The following EXT2 variants were observed in gnomAD, a reference collection of about 807,000 sequenced individuals.
The protein encoded by EXT2 is exostosin-2.
A neutral mutation model predicts 81.6 loss-of-function variants in EXT2; 53 were observed. That is an observed-to-expected ratio of 0.65 (90% CI 0.52 to 0.82). The LOEUF (loss-of-function observed/expected upper bound fraction) is 0.82. EXT2 is among the 40% of genes least tolerant of loss of function. EXT2 has a pLI of 0.00. For missense variants in EXT2, 774 were observed against 910.2 expected, an observed-to-expected ratio of 0.85 and a Z score of 1.93; for synonymous variants, 320 against 340.0, an observed-to-expected ratio of 0.94 and a Z score of 0.65.
intron 8 of EXT2, among the ~76,000 whole-genome samples, chr11:44,191,571 G>C (rs1475945296): frequency 6.6e-6 from 1 of 152,222 alleles, no homozygotes; most frequent in Non-Finnish European, 1.5e-5. Flanking sequence ...CCAGTCTTGA[G>C]TAAATTATGG....
At chr11:44,224,406 G>A (rs890326071) in intron 10 of EXT2, among the ~76,000 whole-genome samples, 1 of 151,736 alleles carries the variant, frequency 6.6e-6, no homozygotes, top group South Asian at 2.1e-4. Flanking sequence ...AGATATATGT[G>A]TTTATATTTA....
intron 4 of EXT2, 59 bp from the exon 5 acceptor site, chr11:44,124,730 C>T (rs1954372096): frequency 6.7e-7 from 1 of 1,493,194 alleles, no homozygotes; most frequent in African/African-American, 1.4e-5. Flanking sequence ...CAAAGTTTGT[C>T]TTACCTTGAC....
chr11:44,158,620 A>T (rs1954888297), intron 7 of EXT2, among the ~76,000 whole-genome samples: 1 of 150,882 alleles, frequency 6.6e-6, no homozygotes. Context: ...GATTTTAATA[A>T]TATTTAAATT....
At chr11:44,184,812 G>A (rs1228768116) in intron 8 of EXT2, among the ~76,000 whole-genome samples, 1 of 152,164 alleles carries the variant, frequency 6.6e-6, no homozygotes, top group African/African-American at 2.4e-5. Flanking sequence ...TTATTAGACA[G>A]CAATGTCACT....
intron 8 of EXT2, among the ~76,000 whole-genome samples, chr11:44,196,633 A>C (rs948968195): frequency 6.6e-6 from 1 of 152,232 alleles, no homozygotes; most frequent in Non-Finnish European, 1.5e-5. Flanking sequence ...CCCTCAAAAA[A>C]TAATTTAAAC....
At chr11:44,147,724 CTAAT>C (rs1371477320) in intron 7 of EXT2, among the ~76,000 whole-genome samples, 1 of 29,244 alleles carries the variant, frequency 3.4e-5, no homozygotes, top group East Asian at 2.5e-3. Context: ...CCACCCCCAG[CTAAT>C]TTTTTTTTTT....
At chr11:44,172,000 G>A (rs770872436) in intron 8 of EXT2, 19 of 511,416 alleles carry the variant, frequency 3.7e-5, no homozygotes, top group Non-Finnish European at 5.3e-5. Flanking sequence ...AAGTAAGGAG[G>A]CATGGGTCTT....
chr11:44,145,799 C>T (rs1954708401), intron 7 of EXT2, among the ~76,000 whole-genome samples: 1 of 152,108 alleles, frequency 6.6e-6, no homozygotes, highest in African/African-American at 2.4e-5. Context: ...TACTCTTGAA[C>T]TATTATAATC....
At chr11:44,226,770 T>C (rs1013531293) in intron 10 of EXT2, among the ~76,000 whole-genome samples, 1 of 152,258 alleles carries the variant, frequency 6.6e-6, no homozygotes, top group African/African-American at 2.4e-5. Flanking sequence ...GCATATTGGA[T>C]TCCTTGTGCT....
chr11:44,119,214 TG>T (rs1237395100), intron 4 of EXT2, among the ~76,000 whole-genome samples: 1 of 142,830 alleles, frequency 7.0e-6, no homozygotes. Context: ...GTCATGACTG[TG>T]GGGATGTGTG....
chr11:44,186,872 C>T (rs1371198378), intron 8 of EXT2, among the ~76,000 whole-genome samples: 1 of 152,194 alleles, frequency 6.6e-6, no homozygotes, highest in Non-Finnish European at 1.5e-5. Context: ...TGATTATTTT[C>T]TGATCATATG....
intron 7 of EXT2, among the ~76,000 whole-genome samples, chr11:44,142,925 T>C (rs139017044): frequency 1.3e-5 from 2 of 152,348 alleles, no homozygotes; most frequent in East Asian, 3.9e-4. Context: ...ATATATCAGA[T>C]ATATAATCTT....
intron 10 of EXT2, among the ~76,000 whole-genome samples, chr11:44,212,383 A>C (rs1030738156): frequency 2.0e-5 from 3 of 151,906 alleles, no homozygotes; most frequent in Admixed American, 6.6e-5. Flanking sequence ...TGACACACAA[A>C]AAAAGTCCTC....
At chr11:44,097,406 A>G (rs1285610471) in intron 1 of EXT2, among the ~76,000 whole-genome samples, 2 of 152,094 alleles carry the variant, frequency 1.3e-5, no homozygotes, top group East Asian at 1.9e-4. Context: ...GCTTTTGCTT[A>G]TATTTGGTTC....
intron 3 of EXT2, among the ~76,000 whole-genome samples, chr11:44,111,678 A>G (rs1954144555): frequency 6.6e-6 from 1 of 152,162 alleles, no homozygotes; most frequent in South Asian, 2.1e-4. Flanking sequence ...AAGAAGCGAG[A>G]CTAGTACAGT....
intron 4 of EXT2, among the ~76,000 whole-genome samples, chr11:44,124,311 C>T (rs1702630689): frequency 6.6e-6 from 1 of 152,116 alleles, no homozygotes; most frequent in South Asian, 2.1e-4. Flanking sequence ...AGTTGCCTGC[C>T]AGTGCTTCCC....
At position 44,239,298 on chromosome 11, in the gene EXT2, C is replaced by T. The variant is rs576774036; in HGVS notation, c.2018+2923C>T. 1.1e-4 allele frequency among the ~76,000 whole-genome samples: 16 copies of T among 151,622 alleles called. No individual in the cohort carries two copies. The East Asian group carries it at 2.5e-3, about 24-fold the overall frequency. On this transcript the variant is annotated intron_variant, in intron 13 of 13. Transcript: ENST00000533608. ...ATTAGAGTGAACTGCTGGACCTCAG[C>T]AGTGTCGTTAATGGGGACAGGAGGT...
intron 7 of EXT2, among the ~76,000 whole-genome samples, chr11:44,146,056 G>T (rs1954712217): frequency 6.6e-6 from 1 of 152,228 alleles, no homozygotes; most frequent in Non-Finnish European, 1.5e-5. Context: ...CGAGTTGGCA[G>T]GGAGGGTTTC....
At chr11:44,231,075 CTTT>C (rs1272454331) in intron 10 of EXT2, among the ~76,000 whole-genome samples, 1 of 152,102 alleles carries the variant, frequency 6.6e-6, no homozygotes, top group African/African-American at 2.4e-5. Context: ...CCCTAATATT[CTTT>C]TAGGAATGGT....
Sources: allele counts gnomAD v4.1 joint callset (sites outside exome capture counted in the v4.1 genomes callset), GRCh38; gene constraint gnomAD v4.1.1; transcripts MANE v1.5; gene names NCBI Gene and HGNC (gene_info 2026-07-23, HGNC 2026-07-21).